The following GNAO1 variants were observed in gnomAD, a reference collection of about 807,000 sequenced individuals.
GNAO1 encodes G protein subunit alpha o1.
For synonymous variants in GNAO1, 164 were observed against 180.7 expected, an observed-to-expected ratio of 0.91 and a Z score of 0.74; for missense variants, 166 against 478.7, an observed-to-expected ratio of 0.35 and a Z score of 6.10.
chr16:56,263,790 A>C (rs2036926766), intron 2 of GNAO1, among the ~76,000 whole-genome samples: 1 of 152,236 alleles, frequency 6.6e-6, no homozygotes, highest in African/African-American at 2.4e-5. Context: ...AACCACAGGA[A>C]GTTGATGCAA....
intron 2 of GNAO1, among the ~76,000 whole-genome samples, chr16:56,251,819 C>T (rs762557198): frequency 5.3e-5 from 8 of 152,174 alleles, no homozygotes; most frequent in Admixed American, 5.2e-4. Flanking sequence ...TCTCACTCTG[C>T]ACTCCAGCAC....
intron 6 of GNAO1, chr16:56,347,384 AG>A: frequency 2.0e-6 from 2 of 985,546 alleles, no homozygotes; most frequent in Non-Finnish European, 2.4e-6. Flanking sequence ...CCAGCAGCCC[AG>A]GGAACAGGGC....
At chr16:56,294,654 G>C (rs529955905) in intron 3 of GNAO1, among the ~76,000 whole-genome samples, 1 of 152,198 alleles carries the variant, frequency 6.6e-6, no homozygotes, top group Non-Finnish European at 1.5e-5. Flanking sequence ...GCTGGGTCAC[G>C]TTGGGAGGGT....
intron 3 of GNAO1, among the ~76,000 whole-genome samples, chr16:56,303,909 C>T (rs776896266): frequency 3.9e-5 from 6 of 152,276 alleles, no homozygotes; most frequent in Non-Finnish European, 5.9e-5. Flanking sequence ...ATTTTATAGA[C>T]GCTGGCAAGG....
At chr16:56,314,134 T>G (rs2587889) in intron 3 of GNAO1, among the ~76,000 whole-genome samples, 62,314 of 152,136 alleles carry the variant, frequency 0.41, 13,310 homozygotes, top group South Asian at 0.51. Flanking sequence ...CTCACATTTG[T>G]TAATATCAAC....
intron 3 of GNAO1, among the ~76,000 whole-genome samples, chr16:56,277,666 C>G (rs1036913591): frequency 3.3e-5 from 5 of 152,088 alleles, no homozygotes; most frequent in African/African-American, 1.2e-4. Flanking sequence ...CATCTTCAGG[C>G]ATGGCACAAG....
chr16:56,278,974 A>G (rs542527467), intron 3 of GNAO1, among the ~76,000 whole-genome samples: 234 of 152,100 alleles, frequency 1.5e-3, no homozygotes, highest in African/African-American at 5.5e-3. Flanking sequence ...TGCCATTTGG[A>G]TGCTGGGGAA....
intron 2 of GNAO1, among the ~76,000 whole-genome samples, chr16:56,245,211 T>C (rs1269137730): frequency 1.3e-5 from 2 of 152,220 alleles, no homozygotes; most frequent in African/African-American, 4.8e-5. Flanking sequence ...TGCTAGGCTG[T>C]TGCGGCTGAG....
At chr16:56,312,139 G>A (rs1369553363) in intron 3 of GNAO1, among the ~76,000 whole-genome samples, 5 of 152,074 alleles carry the variant, frequency 3.3e-5, no homozygotes, top group Non-Finnish European at 5.9e-5. Flanking sequence ...ATTTCCTCTC[G>A]GAAGACCAGG....
chr16:56,315,050 G>A (rs1268242655), intron 3 of GNAO1, among the ~76,000 whole-genome samples: 1 of 152,206 alleles, frequency 6.6e-6, no homozygotes, highest in African/African-American at 2.4e-5. Context: ...ACAGGAGCCA[G>A]TGTCCCCGGG....
chr16:56,344,543 C>T, intron 6 of GNAO1: 3 of 987,172 alleles, frequency 3.0e-6, no homozygotes, highest in Non-Finnish European at 2.4e-6. Flanking sequence ...GGTCATCCTC[C>T]CTTGCCTTTG....
chr16:56,354,995 T>C lies in GNAO1; in HGVS notation c.1007T>C (p.Phe336Ser). The change falls in exon 8 of 9, where the codon TTC becomes TCC. Residue 336 changes from phenylalanine to serine, a missense_variant. Transcript: ENST00000262493. This position sits in a 1 kb window ranked among gnomAD's most constrained non-coding sequence, Gnocchi z 4.3. Reference protein sequence around the residue: ...ATDTNNIQVVFDAVTDIIIAN... With the variant: ...ATDTNNIQVVSDAVTDIIIAN... ...GACACGAATAACATCCAGGTGGTGTTCGACGCCGTCACCGACATCATCATT... is the reference window on the plus strand; with the variant it reads ...GACACGAATAACATCCAGGTGGTGTCCGACGCCGTCACCGACATCATCATT... 6.2e-7 allele frequency: 1 copy of C among 1,613,878 alleles called. No homozygotes were observed. Among genetic ancestry groups the C allele is most frequent in the Non-Finnish European group, 8.5e-7 (1 of 1,179,828 alleles).
intron 2 of GNAO1, among the ~76,000 whole-genome samples, chr16:56,232,318 T>C (rs906442223): frequency 2.0e-5 from 3 of 152,164 alleles, no homozygotes; most frequent in African/African-American, 7.2e-5. Flanking sequence ...AGACGAATAG[T>C]GTTTCTGTCT....
chr16:56,354,756 TC>T lies in GNAO1; in HGVS notation c.878-107del, dbSNP rs1336382121. On this transcript the variant is annotated intron_variant, in intron 7 of 8. Coordinates refer to ENST00000262493, the MANE Select transcript of GNAO1 (RefSeq NM_020988.3). The surrounding 1 kb of genome is among the most constrained non-coding windows in gnomAD (Gnocchi z 4.3). ...TTCCTACTGCTCCCTTCCTGTCTCA[TC>T]CCACTTCCTGGGACACGCCACAACC... The T allele has an allele frequency of 1.4e-5, 9 of 651,342 alleles. No homozygotes were observed. The highest frequency in any genetic ancestry group is 1.1e-4 in the African/African-American group (6 of 54,852). 40.3% of individuals were successfully genotyped at this position (651,342 alleles called of 1,614,324 possible).
intron 3 of GNAO1, among the ~76,000 whole-genome samples, chr16:56,310,706 C>A (rs2037448523): frequency 6.6e-6 from 1 of 152,182 alleles, no homozygotes. Context: ...AGAAGAAGGA[C>A]AATGGCAGAA....
intron 2 of GNAO1, among the ~76,000 whole-genome samples, chr16:56,223,624 T>G (rs1185278198): frequency 6.6e-6 from 1 of 152,188 alleles, no homozygotes; most frequent in Admixed American, 6.5e-5. Context: ...GGAAATTTGC[T>G]TGACTTCTTG....
intron 2 of GNAO1, among the ~76,000 whole-genome samples, chr16:56,255,345 T>C (rs1312469198): frequency 6.6e-6 from 1 of 152,200 alleles, no homozygotes; most frequent in African/African-American, 2.4e-5. Context: ...ATAGATGAGA[T>C]GTATGGGTGA....
intron 2 of GNAO1, among the ~76,000 whole-genome samples, chr16:56,225,157 G>A (rs1279588554): frequency 6.6e-6 from 1 of 152,248 alleles, no homozygotes; most frequent in Non-Finnish European, 1.5e-5. Flanking sequence ...CTGTAGAGCA[G>A]GATGTGGCAT....
chr16:56,258,537 A>G (rs1245933135), intron 2 of GNAO1, among the ~76,000 whole-genome samples: 1 of 152,154 alleles, frequency 6.6e-6, no homozygotes, highest in Non-Finnish European at 1.5e-5. Context: ...CCCCTTGCCC[A>G]TGGTTCTGTC....
Sources: gnomAD v4.1 joint callset for allele counts (sites outside exome capture counted in the v4.1 genomes callset) on GRCh38, gnomAD v4.1.1 for gene constraint, Gnocchi (gnomAD v3.1) non-coding constraint, MANE v1.5 for transcripts, NCBI Gene and HGNC (gene_info 2026-07-23, HGNC 2026-07-21) for gene names.